IL5RA: variants seen among roughly 807,000 people sequenced by gnomAD.
IL5RA encodes interleukin-5 receptor subunit alpha.
In IL5RA, 49 loss-of-function variants were observed where a neutral mutation model predicts 50.0. The observed-to-expected ratio is 0.98, with a 90% CI of 0.78 to 1.24. The LOEUF (loss-of-function observed/expected upper bound fraction) is 1.24, where lower values mean the gene tolerates loss of function less well. IL5RA is among the 50% of genes most tolerant of loss of function. The probability of loss-of-function intolerance (pLI) is 0.00; values close to 1 mark genes in which losing one functional copy is unlikely to be tolerated. For missense variants in IL5RA, 600 were observed against 500.4 expected, an observed-to-expected ratio of 1.20 and a Z score of -1.90; for synonymous variants, 202 against 174.0, an observed-to-expected ratio of 1.16 and a Z score of -1.26.
At chr3:3,103,485 T>C (rs939879627) in intron 3 of IL5RA, among the ~76,000 whole-genome samples, 12 of 152,208 alleles carry the variant, frequency 7.9e-5, no homozygotes, top group African/African-American at 2.7e-4. Flanking sequence ...ATAAAGGTAG[T>C]TATATATTTG....
chr3:3,090,844 A>T (rs1347707662), intron 9 of IL5RA, among the ~76,000 whole-genome samples: 1 of 152,026 alleles, frequency 6.6e-6, no homozygotes, highest in East Asian at 1.9e-4. Flanking sequence ...AAGTGCTGGG[A>T]TTACAGGAGT....
chr3:3,076,496 C>G (rs758292032), intron 10 of IL5RA, 35 bp downstream of exon 10: 2 of 1,315,398 alleles, frequency 1.5e-6, no homozygotes, highest in Non-Finnish European at 2.2e-6. Flanking sequence ...GTACTGAAAC[C>G]CCACTGCAAG....
rs1270175620 is a variant in IL5RA, at chr3:3,092,347, T to C, written c.871A>G (p.Thr291Ala). The C allele has an allele frequency of 6.2e-7, 1 of 1,613,356 alleles. No homozygotes were observed. The highest frequency in any genetic ancestry group is 1.1e-5 in the South Asian group (1 of 91,054). ...TCAATTATTGAGATGAATGCATTGG[T>C]CATCAATTTTTCTATCTAAGTGGGG... ...NGYLQIEKLMTNAFISIIDDL... is the reference protein window; with the variant it reads ...NGYLQIEKLMANAFISIIDDL... Residue 291 changes from threonine to alanine, a missense_variant, in exon 9 of 12, where the codon ACC becomes GCC. Transcript: ENST00000446632. The surrounding 1 kb of genome is among the most constrained non-coding windows in gnomAD (Gnocchi z 4.2).
At chr3:3,095,762 C>A (rs1438995544) in intron 7 of IL5RA, among the ~76,000 whole-genome samples, 3 of 152,004 alleles carry the variant, frequency 2.0e-5, no homozygotes, top group Non-Finnish European at 4.4e-5. Flanking sequence ...CTTTACTACT[C>A]AAGTTGTACC....
At chr3:3,089,328 C>T (rs1277164052) in intron 9 of IL5RA, among the ~76,000 whole-genome samples, 1 of 152,168 alleles carries the variant, frequency 6.6e-6, no homozygotes, top group African/African-American at 2.4e-5. Context: ...ACGACCAGCC[C>T]CCTGGCAGAT....
At position 3,070,246 on chromosome 3, in the gene IL5RA, G is replaced by C. The variant is rs201462594; in HGVS notation, c.1242C>G (p.Thr414=). 17 of 1,611,694 alleles carry C rather than the reference G, an allele frequency of 1.1e-5. No individual in the cohort carries two copies. Among genetic ancestry groups the C allele is most frequent in the Admixed American group, 6.7e-5 (4 of 59,886 alleles). The change falls in exon 12 of 12, where the codon ACC becomes ACG. Residue 414 remains threonine (T), a synonymous_variant. Coordinates refer to ENST00000446632, the MANE Select transcript of IL5RA (RefSeq NM_175726.4). ...ACAGTCAAAACACAGAATCCTCCAG[G>C]GTCTCAACTCCAGGCTTCTCTATAT... ...ICYIEKPGVE[T]LEDSVF
chr3:3,074,688 G>C (rs1215178249), intron 11 of IL5RA, 94 bp downstream of exon 11: 7 of 687,428 alleles, frequency 1.0e-5, no homozygotes, highest in African/African-American at 1.8e-5. Flanking sequence ...TAAAAACCCT[G>C]CCTTATAATA....
intron 9 of IL5RA, among the ~76,000 whole-genome samples, chr3:3,085,957 C>T (rs1484289624): frequency 1.3e-5 from 2 of 150,072 alleles, no homozygotes; most frequent in Non-Finnish European, 2.9e-5. Context: ...GCTGTGACCT[C>T]ATGAATGAGT....
intron 9 of IL5RA, among the ~76,000 whole-genome samples, chr3:3,091,297 T>C (rs761699533): frequency 3.3e-5 from 5 of 152,288 alleles, no homozygotes; most frequent in East Asian, 1.9e-4. Context: ...AGTTCAGGGA[T>C]AGAAGAGAGG....
chr3:3,068,609 C>CAAAAAAAA lies in IL5RA; in HGVS notation c.*1615_*1616insTTTTTTTT, dbSNP rs1297513765. The CAAAAAAAA allele has an allele frequency of 7.2e-5, 4 of 55,426 alleles. No homozygotes were observed. Among genetic ancestry groups the CAAAAAAAA allele is most frequent in the African/African-American group, 1.6e-4 (3 of 19,316 alleles). 3.4% of individuals were successfully genotyped at this position (55,426 alleles called of 1,614,324 possible). A position where few individuals can be genotyped will look rare whatever the true frequency, so the allele number is the denominator to read the frequency against. On this transcript the variant is annotated 3_prime_UTR_variant, in exon 12 of 12. Coordinates refer to ENST00000446632, the MANE Select transcript of IL5RA (RefSeq NM_175726.4). ...CCACAAAAAAAAAAAAAAAAAAAAA[C>CAAAAAAAA]AAAAACAGGTTTGAGATTATGAATC... is the stretch of plus-strand genomic sequence containing the variant.
chr3:3,091,336 G>A (rs890406237), intron 9 of IL5RA, among the ~76,000 whole-genome samples: 2 of 152,180 alleles, frequency 1.3e-5, no homozygotes, highest in Non-Finnish European at 2.9e-5. Flanking sequence ...TTATAAAAGT[G>A]TAACAAGTGA....
In IL5RA at chr3:3,069,861, GC is replaced by G; in HGVS notation, c.*363del. ...CAGCTTAAACAGCCAAACGGGCACA[GC>G]CAGAAGTAAATACAGCTGGACGTTA... On this transcript the variant is annotated 3_prime_UTR_variant, in exon 12 of 12. Transcript: ENST00000446632. 5.6e-6 allele frequency: 1 copy of G among 177,478 alleles called. No homozygotes were observed. Among genetic ancestry groups the G allele is most frequent in the Non-Finnish European group, 1.2e-5 (1 of 84,964 alleles). 11.0% of individuals were successfully genotyped at this position (177,478 alleles called of 1,614,324 possible). A position where few individuals can be genotyped will look rare whatever the true frequency, so the allele number is the denominator to read the frequency against.
chr3:3,102,891 G>A (rs1224951687), intron 3 of IL5RA, 71 bp from the exon 4 acceptor site: 12 of 1,328,146 alleles, frequency 9.0e-6, no homozygotes, highest in South Asian at 2.8e-5. Flanking sequence ...AAAACTTTTC[G>A]AATATTTATT....
intron 5 of IL5RA, among the ~76,000 whole-genome samples, chr3:3,099,218 C>G (rs1343406142): frequency 1.3e-5 from 2 of 152,154 alleles, no homozygotes; most frequent in Non-Finnish European, 2.9e-5. Flanking sequence ...TTGAATTGGC[C>G]AGGCACGGTG....
At chr3:3,073,776 T>C (rs1380318687) in intron 11 of IL5RA, 2 of 451,934 alleles carry the variant, frequency 4.4e-6, no homozygotes, top group Non-Finnish European at 8.9e-6. Context: ...CTACCTTTTT[T>C]TGTAGAAAAT....
chr3:3,100,216 G>A (rs556034950), intron 5 of IL5RA, among the ~76,000 whole-genome samples: 2 of 152,132 alleles, frequency 1.3e-5, no homozygotes, highest in Admixed American at 1.3e-4. Flanking sequence ...TTTGATCGTA[G>A]CTTAAGTGAG....
At chr3:3,088,212 TC>T (rs1399318830) in intron 9 of IL5RA, among the ~76,000 whole-genome samples, 1 of 152,188 alleles carries the variant, frequency 6.6e-6, no homozygotes, top group African/African-American at 2.4e-5. Flanking sequence ...TCGTTATGGA[TC>T]ACAATTTCAC....
chr3:3,100,317 A>T (rs1351080435), intron 5 of IL5RA, among the ~76,000 whole-genome samples: 3 of 152,036 alleles, frequency 2.0e-5, no homozygotes, highest in Non-Finnish European at 4.4e-5. Flanking sequence ...CCTGTAGAGA[A>T]GTTAAAGATG....
chr3:3,105,103 T>C, intron 2 of IL5RA, 116 bp from the exon 3 acceptor site: 2 of 655,284 alleles, frequency 3.1e-6, no homozygotes, highest in Admixed American at 2.6e-5. Flanking sequence ...ATTTATGGCA[T>C]ATTTGTTATG....
Sources: gnomAD v4.1 joint callset for allele counts (sites outside exome capture counted in the v4.1 genomes callset) on GRCh38, gnomAD v4.1.1 for gene constraint, Gnocchi (gnomAD v3.1) non-coding constraint, MANE v1.5 for transcripts, NCBI Gene and HGNC (gene_info 2026-07-23, HGNC 2026-07-21) for gene names.